The following RGS7BP variants were observed in gnomAD, a reference collection of about 807,000 sequenced individuals.
RGS7BP encodes regulator of G protein signaling 7-binding protein.
Under a neutral mutation model 31.3 loss-of-function variants are expected in RGS7BP, and 9 were observed. The ratio of observed to expected loss-of-function variants is 0.29; its 90% CI spans 0.17 to 0.50. RGS7BP has a LOEUF of 0.50. Among genes scored for constraint, RGS7BP ranks in the 20% least tolerant of loss-of-function variants. RGS7BP has a pLI of 0.98. For synonymous variants in RGS7BP, 115 were observed against 120.1 expected (o/e 0.96, Z 0.28); for missense variants, 274 against 322.0 (o/e 0.85, Z 1.14).
At chr5:64,568,534 A>G (rs1368438173) in intron 2 of RGS7BP, among the ~76,000 whole-genome samples, 2 of 152,002 alleles carry the variant, frequency 1.3e-5, no homozygotes, top group Non-Finnish European at 2.9e-5. Context: ...TTGGAGTGAT[A>G]CTCCTGTCAT....
chr5:64,591,093 TACAA>T (rs1742902433), intron 3 of RGS7BP, among the ~76,000 whole-genome samples: 2 of 152,042 alleles, frequency 1.3e-5, no homozygotes, highest in African/African-American at 4.8e-5. Context: ...CAAAATACAT[TACAA>T]ACAAAATTAA....
chr5:64,538,506 TTTTTTTTTTTCCTTTTCTTTTC>T (rs1410009801), intron 2 of RGS7BP, among the ~76,000 whole-genome samples: 15 of 131,052 alleles, frequency 1.1e-4, no homozygotes, highest in East Asian at 4.1e-4. Flanking sequence ...TTTTCTTTTC[TTTTTTTTTTTCCTTTTCTTTTC>T]TTTTTTTTTT....
chr5:64,544,477 C>A (rs1332829532), intron 2 of RGS7BP, among the ~76,000 whole-genome samples: 1 of 149,782 alleles, frequency 6.7e-6, no homozygotes, highest in African/African-American at 2.5e-5. Context: ...GAGTTTGAGA[C>A]CAGCCTGGGC....
At chr5:64,533,853 T>C (rs982826239) in intron 2 of RGS7BP, among the ~76,000 whole-genome samples, 4 of 152,330 alleles carry the variant, frequency 2.6e-5, no homozygotes, top group Non-Finnish European at 2.9e-5. Flanking sequence ...CAAAGATGTA[T>C]TGAGTACCTA....
intron 2 of RGS7BP, among the ~76,000 whole-genome samples, chr5:64,529,610 T>A (rs746921602): frequency 4.6e-5 from 7 of 152,228 alleles, no homozygotes; most frequent in Non-Finnish European, 5.9e-5. Context: ...CTGATTTTCT[T>A]GGTCTGGGGC....
rs1743472822 is a variant in RGS7BP at position 64,610,446 on chromosome 5, T to A, written c.*1194T>A. 1 of 151,960 alleles carries A rather than the reference T, an allele frequency of 6.6e-6. No individual in the cohort carries two copies. 9.4% of individuals were successfully genotyped at this position (151,960 alleles called of 1,614,324 possible). On this transcript the variant is annotated 3_prime_UTR_variant, in exon 6 of 6. Transcript: ENST00000334025. ...CTTTGGCCCATTTCCCAGACAGAAT[T>A]TCCCATGGGTTGAGAGATCAAGTCT... is the stretch of plus-strand genomic sequence containing the variant.
intron 2 of RGS7BP, among the ~76,000 whole-genome samples, chr5:64,514,089 C>T (rs904996363): frequency 2.8e-4 from 42 of 152,164 alleles, no homozygotes; most frequent in African/African-American, 1.0e-3. Context: ...CTGTCTTTCA[C>T]ATTCTTCGGT....
intron 2 of RGS7BP, among the ~76,000 whole-genome samples, chr5:64,566,605 C>T (rs73111076): frequency 0.021 from 3,219 of 152,020 alleles, 89 homozygotes; most frequent in African/African-American, 0.07. Context: ...TAAATCTCCA[C>T]CCAGGGGAGG....
intron 2 of RGS7BP, among the ~76,000 whole-genome samples, chr5:64,570,762 C>T (rs754095279): frequency 6.6e-6 from 1 of 152,040 alleles, no homozygotes; most frequent in Non-Finnish European, 1.5e-5. Flanking sequence ...CAAATAAATA[C>T]CCACTCCCTA....
chr5:64,553,931 T>C (rs1317594441), intron 2 of RGS7BP, among the ~76,000 whole-genome samples: 2 of 152,188 alleles, frequency 1.3e-5, no homozygotes, highest in African/African-American at 2.4e-5. Flanking sequence ...TCTGATACTA[T>C]GGCTTCCCTG....
rs574362109 is a variant in RGS7BP, at chr5:64,549,848, A to G, written c.333-25926A>G. Among the ~76,000 whole-genome samples, 4 of 152,244 alleles carry G rather than the reference A, an allele frequency of 2.6e-5. No homozygotes were observed. The South Asian group carries it at 8.3e-4, about 32-fold the overall frequency. On this transcript the variant is annotated intron_variant, in intron 2 of 5. Transcript: ENST00000334025. ...TGCTAAACAATTCCTTCTTCAATTC[A>G]TCTCTCTTCTTTTACATTTTACTGT... is the stretch of plus-strand genomic sequence containing the variant.
chr5:64,543,770 T>G (rs1188183580), intron 2 of RGS7BP, among the ~76,000 whole-genome samples: 2 of 152,000 alleles, frequency 1.3e-5, no homozygotes, highest in Non-Finnish European at 2.9e-5. Context: ...CCAACAAAAG[T>G]GAAGGTTGAG....
intron 2 of RGS7BP, among the ~76,000 whole-genome samples, chr5:64,542,704 C>T (rs1465089288): frequency 2.6e-5 from 4 of 152,290 alleles, no homozygotes; most frequent in Non-Finnish European, 5.9e-5. Flanking sequence ...GCTTGATTTA[C>T]CAGTAAAAGG....
intron 3 of RGS7BP, among the ~76,000 whole-genome samples, chr5:64,591,808 T>C (rs1162607904): frequency 2.0e-5 from 3 of 152,198 alleles, no homozygotes; most frequent in African/African-American, 4.8e-5. Flanking sequence ...TAACAACATA[T>C]ATAGTATAAT....
intron 2 of RGS7BP, among the ~76,000 whole-genome samples, chr5:64,528,483 A>C (rs1561323710): frequency 6.6e-6 from 1 of 152,164 alleles, no homozygotes; most frequent in Non-Finnish European, 1.5e-5. Flanking sequence ...ACTTCAGAGA[A>C]TTATCCCCTG....
At chr5:64,513,089 A>G (rs979026858) in intron 2 of RGS7BP, among the ~76,000 whole-genome samples, 1 of 152,226 alleles carries the variant, frequency 6.6e-6, no homozygotes, top group African/African-American at 2.4e-5. Flanking sequence ...TTGTTTACAG[A>G]ACTGAGCTAT....
intron 3 of RGS7BP, among the ~76,000 whole-genome samples, chr5:64,584,550 A>G (rs1742690963): frequency 6.6e-6 from 1 of 152,212 alleles, no homozygotes; most frequent in African/African-American, 2.4e-5. Flanking sequence ...TCAGAGCCCC[A>G]TAAGGATATC....
At chr5:64,608,795 G>T (rs1399853551) in intron 5 of RGS7BP, among the ~76,000 whole-genome samples, 1 of 151,958 alleles carries the variant, frequency 6.6e-6, no homozygotes, top group Non-Finnish European at 1.5e-5. Context: ...TTCAAATAAG[G>T]TATATACGTT....
At chr5:64,550,894 T>TA in intron 2 of RGS7BP, among the ~76,000 whole-genome samples, 1 of 151,902 alleles carries the variant, frequency 6.6e-6, no homozygotes, top group East Asian at 1.9e-4. Flanking sequence ...TCCATGTCCT[T>TA]ACAAAGGACA....
Sources: allele counts gnomAD v4.1 joint callset (sites outside exome capture counted in the v4.1 genomes callset), GRCh38; gene constraint gnomAD v4.1.1; transcripts MANE v1.5; gene names NCBI Gene and HGNC (gene_info 2026-07-23, HGNC 2026-07-21).